Variants in PABPN1 observed in about 807,000 individuals in gnomAD.
PABPN1 encodes the protein polyadenylate-binding protein 2.
A neutral mutation model predicts 33.4 loss-of-function variants in PABPN1; 5 were observed. That is an observed-to-expected ratio of 0.15 (90% confidence interval 0.08 to 0.32). PABPN1 has a LOEUF of 0.32. PABPN1 is among the 10% of genes least tolerant of loss of function. The pLI, the probability that PABPN1 is intolerant of heterozygous loss-of-function variation, is 1.00. For synonymous variants in PABPN1, 176 were observed against 170.6 expected (o/e 1.03, Z -0.25); for missense variants, 312 against 425.8 (o/e 0.73, Z 2.35).
rs1322681096 is a variant in PABPN1, at chr14:23,324,240, T to C, written c.832T>C (p.Ser278Pro). 2 of 1,614,028 alleles carry C rather than the reference T, an allele frequency of 1.2e-6. No homozygotes were observed. The highest frequency in any genetic ancestry group is 3.3e-5 in the Admixed American group (2 of 60,014). Residue 278 changes from serine to proline, a missense_variant, in exon 6 of 7, where the codon TCT becomes CCT. Physicochemically the swap from Ser to Pro is moderately conservative, Grantham distance 74. Coordinates refer to ENST00000216727, the MANE Select transcript of PABPN1 (RefSeq NM_004643.4). ...ARTTNYNSSR[S>P]RFYSGFNSRP... ...GACCACCAACTACAACAGCTCCCGC[T>C]CTCGATTCTACAGTGGTTTTAACAG...
intron 6 of PABPN1, 186 bp from the exon 7 acceptor site, chr14:23,325,061 C>T (rs1293671803): frequency 2.8e-6 from 2 of 709,164 alleles, no homozygotes; most frequent in Non-Finnish European, 2.2e-6. Context: ...GTTAAGCCCC[C>T]CTCCCCCTGC....
At chr14:23,322,619 A>C in intron 2 of PABPN1, 1 of 459,878 alleles carries the variant, frequency 2.2e-6, no homozygotes, top group Non-Finnish European at 4.0e-6. Flanking sequence ...CCAATTGGAG[A>C]CGCTTTAGGA....
In PABPN1 at chr14:23,324,161, A is replaced by G. The variant is rs1402788869; in HGVS notation, c.753A>G (p.Arg251=). 3 of 1,614,062 alleles carry G rather than the reference A, an allele frequency of 1.9e-6. No individual in the cohort carries two copies. Among genetic ancestry groups the G allele is most frequent in the Admixed American group, 1.7e-5 (1 of 60,012 alleles). ...QIKVIPKRTN[R]PGISTTDRGF... is the part of the protein sequence containing the mutation. ...AGGTGATCCCAAAACGAACCAACAG[A>G]CCAGGCATCAGCACAACAGACCGGG... The change falls in exon 6 of 7, where the codon AGA becomes AGG. Residue 251 remains arginine, a synonymous_variant. Coordinates refer to ENST00000216727, the MANE Select transcript of PABPN1 (RefSeq NM_004643.4).
Position 23,324,144 on chromosome 14 carries a change from C to T in PABPN1, c.736C>T (p.Pro246Ser). ...TTGTTCATCTCTGACTCAGGTGATC[C>T]CAAAACGAACCAACAGACCAGGCAT... ...LFRGRQIKVI[P>S]KRTNRPGIST... The change falls in exon 6 of 7, where the codon CCA becomes TCA. Residue 246 changes from proline (P) to serine (S), a missense_variant. Pro to Ser is a moderately conservative substitution (Grantham distance 74). Transcript: ENST00000216727. 1 of 1,614,136 alleles carries T rather than the reference C, an allele frequency of 6.2e-7. No individual in the cohort carries two copies. The highest frequency in any genetic ancestry group is 8.5e-7 in the Non-Finnish European group (1 of 1,180,022).
chr14:23,321,796 G>C lies in PABPN1; in HGVS notation c.327G>C (p.Pro109=). ...AGCCGGGACTGGTCGAGGGTGACCC[G>C]GGGGACGGCGCCATTGAGGACCCGG... The part of the protein sequence containing the change: ...EEEPGLVEGD[P]GDGAIEDPEL... Residue 109 remains proline (P), a synonymous_variant, in exon 1 of 7, where the codon CCG becomes CCC. Transcript: ENST00000216727. 1 of 1,500,578 alleles carries C rather than the reference G, an allele frequency of 6.7e-7. No homozygotes were observed. Among genetic ancestry groups the C allele is most frequent in the Non-Finnish European group, 8.9e-7 (1 of 1,125,608 alleles). The allele number at this position is 1,500,578 out of a possible 1,614,324, so 93.0% of individuals were successfully genotyped here.
In PABPN1 at chr14:23,321,493, A is replaced by G. The variant is rs1052657001; in HGVS notation, c.24A>G (p.Ala8=). MAAAAAA[A]AAAGAAGGRG... ...CGATGGCGGCGGCGGCGGCGGCGGC[A>G]GCAGCAGCGGGGGCTGCGGGCGGTC... The change falls in exon 1 of 7, where the codon GCA becomes GCG. Residue 8 remains alanine (A), a synonymous_variant. Transcript: ENST00000216727. 14 of 1,205,366 alleles carry G rather than the reference A, an allele frequency of 1.2e-5. No homozygotes were observed. Among genetic ancestry groups the G allele is most frequent in the African/African-American group, 9.5e-5 (6 of 62,862 alleles). The allele number at this position is 1,205,366 out of a possible 1,614,324, so 74.7% of individuals were successfully genotyped here.
At position 23,322,882 on chromosome 14, in the gene PABPN1, A is replaced by G. The variant is rs1165955152; in HGVS notation, c.467-117A>G. 2.8e-6 allele frequency: 4 copies of G among 1,413,032 alleles called. No homozygotes were observed. The East Asian group carries it at 6.8e-5, about 24-fold the overall frequency. The allele number at this position is 1,413,032 out of a possible 1,614,324, so 87.5% of individuals were successfully genotyped here. A position where few individuals can be genotyped will look rare whatever the true frequency, so the allele number is the denominator to read the frequency against. ...GTGGGTACAGCAGGGAACAGCACAG[A>G]CCAAAATCTTTGCCTTCACTGAGCT... On this transcript the variant is annotated intron_variant, in intron 2 of 6. Transcript: ENST00000216727.
intron 5 of PABPN1, 26 bp downstream of exon 5, chr14:23,324,078 A>G (rs765745208): frequency 9.9e-6 from 16 of 1,614,164 alleles, no homozygotes; most frequent in Admixed American, 8.3e-5. Flanking sequence ...TTGCTGTTCT[A>G]GTTGTGTATA....
At chr14:23,321,858 G>C in intron 1 of PABPN1, 38 bp downstream of exon 1, 1 of 1,414,622 alleles carries the variant, frequency 7.1e-7, no homozygotes, top group Non-Finnish European at 9.3e-7. Flanking sequence ...CCGGCGGCTG[G>C]CCGGCCGGGT....
intron 6 of PABPN1, chr14:23,324,635 C>T (rs913113953): frequency 2.1e-6 from 1 of 481,146 alleles, no homozygotes; most frequent in Non-Finnish European, 3.7e-6. Flanking sequence ...ACTGCTTGGA[C>T]ATTTGTTACT....
In PABPN1 at chr14:23,321,647, C is replaced by T. The variant is rs1017270268; in HGVS notation, c.178C>T (p.Leu60=). The change falls in exon 1 of 7, where the codon CTG becomes TTG. Residue 60 remains leucine, a synonymous_variant. Coordinates refer to ENST00000216727, the MANE Select transcript of PABPN1 (RefSeq NM_004643.4). ...GTCTGAGGAACTGGAGCCTGAGGAG[C>T]TGCTGCTGGAGCCCGAGCCGGAGCC... The part of the protein sequence containing the change: ...LESEELEPEE[L]LLEPEPEPEP... 4.1e-5 allele frequency: 62 copies of T among 1,511,672 alleles called. 1 individual carries two copies. The Middle Eastern group carries it at 1.2e-3, about 28-fold the overall frequency. The allele number at this position is 1,511,672 out of a possible 1,614,324, so 93.6% of individuals were successfully genotyped here. A position where few individuals can be genotyped will look rare whatever the true frequency, so the allele number is the denominator to read the frequency against.
chr14:23,325,582 A>T lies in PABPN1; in HGVS notation c.*296A>T, dbSNP rs560367991. The T allele has an allele frequency of 4.9e-4, 196 of 396,970 alleles. 3 individuals carry two copies. The South Asian group carries it at 6.0e-3, about 12-fold the overall frequency. The allele number at this position is 396,970 out of a possible 1,614,324, so 24.6% of individuals were successfully genotyped here. Reference sequence around the variant, plus strand: ...GCTGCTGCCCATGTTTCCCTGCCCCACTTCACCCCCTTGGGGGCTGCTCAA... The same window carrying T: ...GCTGCTGCCCATGTTTCCCTGCCCCTCTTCACCCCCTTGGGGGCTGCTCAA... On this transcript the variant is annotated 3_prime_UTR_variant, in exon 7 of 7. Coordinates refer to ENST00000216727, the MANE Select transcript of PABPN1 (RefSeq NM_004643.4).
chr14:23,324,203 C>T lies in PABPN1; in HGVS notation c.795C>T (p.Arg265=). The T allele has an allele frequency of 1.2e-6, 2 of 1,614,206 alleles. No homozygotes were observed. The highest frequency in any genetic ancestry group is 1.7e-6 in the Non-Finnish European group (2 of 1,180,038). The change falls in exon 6 of 7, where the codon CGC becomes CGT. Residue 265 remains arginine (R), a synonymous_variant. Coordinates refer to ENST00000216727, the MANE Select transcript of PABPN1 (RefSeq NM_004643.4). ...CAGACCGGGGTTTTCCACGAGCCCG[C>T]TACCGCGCCCGGACCACCAACTACA... ...STTDRGFPRA[R]YRARTTNYNS... is the part of the protein sequence containing the mutation.
Position 23,322,177 on chromosome 14 carries a change from T to C in PABPN1, c.352-4T>C. 2 of 1,602,128 alleles carry C rather than the reference T, an allele frequency of 1.2e-6. No individual in the cohort carries two copies. The highest frequency in any genetic ancestry group is 2.3e-5 in the South Asian group (2 of 88,568). ...GTCCTCCATACCCTCCCCACTTATATTAGGAGCTGGAAGCTATCAAAGCTC... is the reference window on the plus strand; with the variant it reads ...GTCCTCCATACCCTCCCCACTTATACTAGGAGCTGGAAGCTATCAAAGCTC... On this transcript the variant is annotated splice_region_variant and splice_polypyrimidine_tract_variant and intron_variant, in intron 1 of 6. Transcript: ENST00000216727.
Position 23,323,604 on chromosome 14 carries a change from C to T in PABPN1, c.641+121C>T. On this transcript the variant is annotated intron_variant, in intron 4 of 6. Transcript: ENST00000216727. ...ACAGGTGATCTGTGTCATTTAAGAT[C>T]ATGGCATTAATGTTGATATATCAGG... is the stretch of plus-strand genomic sequence containing the variant. 2.0e-6 allele frequency: 2 copies of T among 985,514 alleles called. 1 individual carries two copies. Among genetic ancestry groups the T allele is most frequent in the South Asian group, 2.7e-5 (2 of 73,066 alleles). 61.0% of individuals were successfully genotyped at this position (985,514 alleles called of 1,614,324 possible). A position where few individuals can be genotyped will look rare whatever the true frequency, so the allele number is the denominator to read the frequency against.
chr14:23,321,796 G>A lies in PABPN1; in HGVS notation c.327G>A (p.Pro109=), dbSNP rs898547168. 6.0e-6 allele frequency: 9 copies of A among 1,500,472 alleles called. No individual in the cohort carries two copies. Among genetic ancestry groups the A allele is most frequent in the Admixed American group, 4.7e-5 (2 of 42,896 alleles). The allele number at this position is 1,500,472 out of a possible 1,614,324, so 92.9% of individuals were successfully genotyped here. The change falls in exon 1 of 7, where the codon CCG becomes CCA. Residue 109 remains proline (P), a synonymous_variant. Transcript: ENST00000216727. ...AGCCGGGACTGGTCGAGGGTGACCCGGGGGACGGCGCCATTGAGGACCCGG... is the reference window on the plus strand; with the variant it reads ...AGCCGGGACTGGTCGAGGGTGACCCAGGGGACGGCGCCATTGAGGACCCGG... ...EEEPGLVEGD[P]GDGAIEDPEL...
intron 6 of PABPN1, chr14:23,324,786 C>T (rs1324715569): frequency 3.9e-6 from 1 of 254,526 alleles, no homozygotes; most frequent in African/African-American, 2.2e-5. Context: ...GCAAGGTTAA[C>T]TTCTCACTGG....
chr14:23,322,703 G>T, intron 2 of PABPN1: 1 of 485,538 alleles, frequency 2.1e-6, no homozygotes, highest in Non-Finnish European at 3.7e-6. Flanking sequence ...ACTTAATTTT[G>T]CTCACTCTTA....
Position 23,321,819 on chromosome 14 carries a change from C to T in PABPN1, c.350C>T (p.Pro117Leu). ...CCGGGGGACGGCGCCATTGAGGACC[C>T]GGTGAGGGAAGGAGGGCGAGCGAGC... ...GDPGDGAIEDPELEAIKARVR... is the reference protein window; with the variant it reads ...GDPGDGAIEDLELEAIKARVR... Residue 117 changes from proline to leucine, a missense_variant and splice_region_variant, in exon 1 of 7, where the codon CCG becomes CTG. Physicochemically the swap from Pro to Leu is moderately conservative, Grantham distance 98 (BLOSUM62 -3). Around this residue, in one of 3 missense-constraint regions of PABPN1, gnomAD observed 77 missense variants for 185.7 expected, o/e 0.41. Transcript: ENST00000216727. 1 of 1,467,546 alleles carries T rather than the reference C, an allele frequency of 6.8e-7. No homozygotes were observed. Among genetic ancestry groups the T allele is most frequent in the Non-Finnish European group, 9.0e-7 (1 of 1,108,606 alleles). 90.9% of individuals were successfully genotyped at this position (1,467,546 alleles called of 1,614,324 possible). A position where few individuals can be genotyped will look rare whatever the true frequency, so the allele number is the denominator to read the frequency against.
Sources: gnomAD v4.1 joint callset for allele counts on GRCh38, gnomAD v4.1.1 for gene constraint, gnomAD v4.1.1 regional missense constraint, MANE v1.5 for transcripts, NCBI Gene and HGNC (gene_info 2026-07-23, HGNC 2026-07-21) for gene names.